The following AP3B1 variants were observed in gnomAD, a reference collection of about 807,000 sequenced individuals.
The protein encoded by AP3B1 is AP-3 complex subunit beta-1.
AP3B1 carries 61 observed loss-of-function variants against 132.5 expected under a neutral mutation model. The observed-to-expected ratio is 0.46, with a 90% CI of 0.37 to 0.57. The LOEUF (loss-of-function observed/expected upper bound fraction) is 0.57. AP3B1 is among the 20% of genes least tolerant of loss of function. AP3B1 has a pLI of 0.00. For synonymous variants in AP3B1, 388 were observed against 438.3 expected (o/e 0.89, Z 1.43); for missense variants, 1,120 against 1,289.4 (o/e 0.87, Z 2.01).
At chr5:78,037,109 C>G (rs542008377) in intron 23 of AP3B1, among the ~76,000 whole-genome samples, 36 of 152,264 alleles carry the variant, frequency 2.4e-4, no homozygotes, top group African/African-American at 8.2e-4. Context: ...TTTTATTTCT[C>G]TGTTAAAGTC....
intron 23 of AP3B1, among the ~76,000 whole-genome samples, chr5:78,037,596 G>T (rs908423434): frequency 6.6e-6 from 1 of 151,882 alleles, no homozygotes; most frequent in African/African-American, 2.4e-5. Flanking sequence ...TTTCTTTACC[G>T]AAAGATTCAT....
At chr5:78,127,232 T>G (rs1274919467) in intron 17 of AP3B1, among the ~76,000 whole-genome samples, 2 of 152,190 alleles carry the variant, frequency 1.3e-5, no homozygotes, top group Non-Finnish European at 2.9e-5. Flanking sequence ...AGAACCCCAG[T>G]TATCTGAATC....
chr5:78,260,577 G>A (rs539338171), intron 2 of AP3B1, among the ~76,000 whole-genome samples: 2 of 151,796 alleles, frequency 1.3e-5, no homozygotes, highest in East Asian at 1.9e-4. Flanking sequence ...CTGGGCCACG[G>A]AGCGAGACTC....
intron 18 of AP3B1, 65 bp downstream of exon 18, chr5:78,116,061 G>C (rs760631120): frequency 5.7e-6 from 7 of 1,219,652 alleles, no homozygotes; most frequent in Admixed American, 3.4e-5. Flanking sequence ...ATTAGGCCTT[G>C]TTTCTGAGAT....
chr5:78,088,094 A>G (rs1273579972), intron 22 of AP3B1, among the ~76,000 whole-genome samples: 1 of 152,208 alleles, frequency 6.6e-6, no homozygotes, highest in Non-Finnish European at 1.5e-5. Context: ...CTTACTGCCA[A>G]CCAAGGTTTT....
At chr5:78,040,223 A>C (rs1233431719) in intron 22 of AP3B1, among the ~76,000 whole-genome samples, 1 of 152,068 alleles carries the variant, frequency 6.6e-6, no homozygotes, top group Non-Finnish European at 1.5e-5. Context: ...TTCATATGGA[A>C]TTGATTTTGA....
intron 3 of AP3B1, among the ~76,000 whole-genome samples, chr5:78,237,154 T>C (rs1427858851): frequency 1.3e-5 from 2 of 152,200 alleles, no homozygotes; most frequent in African/African-American, 2.4e-5. Flanking sequence ...TTCATTTTGA[T>C]AGAAAAATTC....
intron 6 of AP3B1, among the ~76,000 whole-genome samples, chr5:78,217,685 GA>G (rs1746018395): frequency 6.6e-6 from 1 of 151,856 alleles, no homozygotes; most frequent in South Asian, 2.1e-4. Context: ...CTAAGTTTAT[GA>G]CATTAAACTC....
chr5:78,160,075 G>T (rs1743326544), intron 13 of AP3B1, among the ~76,000 whole-genome samples: 1 of 152,174 alleles, frequency 6.6e-6, no homozygotes, highest in Admixed American at 6.5e-5. Context: ...TAGCTGGCAA[G>T]AGAGTAAGTG....
chr5:78,096,539 C>T (rs1257525490), intron 21 of AP3B1, among the ~76,000 whole-genome samples: 5 of 151,894 alleles, frequency 3.3e-5, no homozygotes, highest in Admixed American at 6.6e-5. Flanking sequence ...CGTCTCTGCC[C>T]GGCCACCATC....
intron 18 of AP3B1, among the ~76,000 whole-genome samples, chr5:78,114,998 T>C (rs1256393355): frequency 6.6e-6 from 1 of 152,186 alleles, no homozygotes; most frequent in Admixed American, 6.5e-5. Context: ...ATTAAATGAT[T>C]TGAAACATAC....
intron 22 of AP3B1, chr5:78,043,878 G>T: frequency 2.8e-6 from 1 of 356,998 alleles, no homozygotes; most frequent in Non-Finnish European, 5.5e-6. Flanking sequence ...GACCAAGGCT[G>T]ATCTCCTAAT....
At chr5:78,256,605 A>G (rs528339930) in intron 2 of AP3B1, among the ~76,000 whole-genome samples, 7 of 152,250 alleles carry the variant, frequency 4.6e-5, no homozygotes, top group Admixed American at 2.0e-4. Flanking sequence ...AGAAGAATTA[A>G]TATCAATCCT....
At chr5:78,116,277 G>A (rs1458753113) in intron 17 of AP3B1, 43 bp from the exon 18 acceptor site, 1 of 1,526,802 alleles carries the variant, frequency 6.5e-7, no homozygotes, top group Non-Finnish European at 9.1e-7. Context: ...TTCTCATTCA[G>A]AGATTTAGAG....
intron 20 of AP3B1, among the ~76,000 whole-genome samples, chr5:78,105,559 AT>A (rs540129426): frequency 6.7e-6 from 1 of 150,202 alleles, no homozygotes; most frequent in Admixed American, 6.7e-5. Context: ...ATAAAAAAAA[AT>A]TTCCCCTTTA....
At chr5:78,096,464 G>T (rs1006629285) in intron 21 of AP3B1, among the ~76,000 whole-genome samples, 3 of 149,824 alleles carry the variant, frequency 2.0e-5, no homozygotes, top group Non-Finnish European at 4.5e-5. Context: ...GTCTCTGCCT[G>T]GCCGCCCATC....
chr5:78,111,528 T>G (rs1338565411), intron 19 of AP3B1, among the ~76,000 whole-genome samples: 1 of 152,008 alleles, frequency 6.6e-6, no homozygotes, highest in African/African-American at 2.4e-5. Flanking sequence ...GAGAGACACC[T>G]AAAAAAACTT....
intron 11 of AP3B1, among the ~76,000 whole-genome samples, chr5:78,171,689 G>GACA (rs1252552797): frequency 1.3e-5 from 2 of 152,128 alleles, no homozygotes; most frequent in African/African-American, 4.8e-5. Context: ...TGCAAACAGG[G>GACA]ACAATTTGAC....
chr5:78,287,169 A>T (rs958468347), intron 1 of AP3B1, among the ~76,000 whole-genome samples: 1 of 152,098 alleles, frequency 6.6e-6, no homozygotes, highest in Non-Finnish European at 1.5e-5. Context: ...CAAATACTAA[A>T]TTTTTTTTAA....
Sources: allele counts gnomAD v4.1 joint callset (sites outside exome capture counted in the v4.1 genomes callset), GRCh38; gene constraint gnomAD v4.1.1; transcripts MANE v1.5; gene names NCBI Gene and HGNC (gene_info 2026-07-23, HGNC 2026-07-21).